KLF12: variants seen among roughly 807,000 people sequenced by gnomAD.
The protein encoded by KLF12 is KLF transcription factor 12.
Under a neutral mutation model 37.8 loss-of-function variants are expected in KLF12, and 9 were observed. The observed-to-expected ratio is 0.24, with a 90% CI of 0.14 to 0.42. KLF12 has a LOEUF of 0.42. Ranked by LOEUF, KLF12 falls within the 10% of genes least tolerant of loss-of-function variation. The pLI is 1.00. For missense variants in KLF12, 411 were observed against 516.0 expected, an observed-to-expected ratio of 0.80 and a Z score of 1.97; for synonymous variants, 208 against 202.1, an observed-to-expected ratio of 1.03 and a Z score of -0.25.
the KLF12 span, among the ~76,000 whole-genome samples, chr13:74,286,224 A>G: frequency 6.6e-6 from 1 of 152,074 alleles, no homozygotes; most frequent in Non-Finnish European, 1.5e-5. Flanking sequence ...AGGGTGTGCC[A>G]CACTGAAATG....
chr13:74,171,769 C>CA, the KLF12 span, among the ~76,000 whole-genome samples: 1 of 152,044 alleles, frequency 6.6e-6, no homozygotes, highest in African/African-American at 2.4e-5. Flanking sequence ...CCACAAAATA[C>CA]AAAAAAACAA....
At chr13:74,246,779 G>A in the KLF12 span, among the ~76,000 whole-genome samples, 1 of 152,356 alleles carries the variant, frequency 6.6e-6, no homozygotes, top group Admixed American at 6.5e-5. Context: ...TTAGAAGTCA[G>A]AGGGCTGTGG....
chr13:73,846,502 A>G, intron 3 of KLF12, 129 bp from the exon 4 acceptor site: 2 of 853,064 alleles, frequency 2.3e-6, no homozygotes, highest in Non-Finnish European at 3.6e-6. Context: ...TTCTCCAAAT[A>G]TCTGAAGGAT....
chr13:73,761,067 G>C (rs1879516677), intron 6 of KLF12, among the ~76,000 whole-genome samples: 1 of 152,076 alleles, frequency 6.6e-6, no homozygotes, highest in Non-Finnish European at 1.5e-5. Flanking sequence ...AGCTGAATAT[G>C]ACCTGGAAAC....
intron 3 of KLF12, among the ~76,000 whole-genome samples, chr13:73,881,660 A>AT (rs972360783): frequency 3.3e-5 from 5 of 151,640 alleles, no homozygotes; most frequent in African/African-American, 9.7e-5. Context: ...GCACAACATG[A>AT]TTTTTTTTTC....
At chr13:74,085,511 T>C (rs1470751770) in intron 1 of KLF12, among the ~76,000 whole-genome samples, 1 of 152,216 alleles carries the variant, frequency 6.6e-6, no homozygotes, top group African/African-American at 2.4e-5. Context: ...TCACGCTTCC[T>C]TGAGGTAGCT....
chr13:74,163,421 C>T, the KLF12 span, among the ~76,000 whole-genome samples: 1 of 152,144 alleles, frequency 6.6e-6, no homozygotes, highest in Non-Finnish European at 1.5e-5. Context: ...GAAATCCAAT[C>T]ATTTGCAGCA....
At chr13:73,712,998 T>G (rs774637034) in intron 7 of KLF12, among the ~76,000 whole-genome samples, 10 of 152,212 alleles carry the variant, frequency 6.6e-5, no homozygotes, top group Non-Finnish European at 1.2e-4. Flanking sequence ...ACAGGATCTT[T>G]GAGGTACGCC....
the KLF12 span, among the ~76,000 whole-genome samples, chr13:74,157,961 G>A: frequency 1.3e-5 from 2 of 152,192 alleles, no homozygotes; most frequent in Non-Finnish European, 2.9e-5. Context: ...TATTCAATGT[G>A]TGTGAGTTGT....
intron 7 of KLF12, among the ~76,000 whole-genome samples, chr13:73,698,173 G>A (rs1455836220): frequency 6.8e-6 from 1 of 147,136 alleles, no homozygotes; most frequent in Non-Finnish European, 1.5e-5. Flanking sequence ...AGAAAAGAGA[G>A]AAAAGAGAGA....
At chr13:73,872,909 C>T (rs1228055822) in intron 3 of KLF12, among the ~76,000 whole-genome samples, 1 of 152,202 alleles carries the variant, frequency 6.6e-6, no homozygotes, top group Non-Finnish European at 1.5e-5. Context: ...ACACAGAAGA[C>T]ATGAGTGAAC....
At chr13:73,963,181 T>C (rs894911098) in intron 2 of KLF12, among the ~76,000 whole-genome samples, 1 of 152,090 alleles carries the variant, frequency 6.6e-6, no homozygotes. Flanking sequence ...TAAAGCATAG[T>C]CATTTTGTGC....
At chr13:74,135,878 A>C (rs1216790802), upstream of KLF12, among the ~76,000 whole-genome samples, 1 of 152,218 alleles carries the variant, frequency 6.6e-6, no homozygotes, top group Non-Finnish European at 1.5e-5. Context: ...AATGTGAGCC[A>C]GGGCCAGCTG....
the KLF12 span, among the ~76,000 whole-genome samples, chr13:74,207,388 C>A: frequency 2.0e-5 from 3 of 152,142 alleles, no homozygotes; most frequent in African/African-American, 7.2e-5. Flanking sequence ...TAAAAAGTTT[C>A]AGGTCAGGTG....
At chr13:74,222,206 G>A in the KLF12 span, among the ~76,000 whole-genome samples, 2 of 152,204 alleles carry the variant, frequency 1.3e-5, no homozygotes, top group African/African-American at 4.8e-5. Context: ...GCCTCTTGGG[G>A]CACTCTAATT....
chr13:73,883,875 G>A (rs1429518683), intron 3 of KLF12, among the ~76,000 whole-genome samples: 1 of 152,140 alleles, frequency 6.6e-6, no homozygotes, highest in Non-Finnish European at 1.5e-5. Flanking sequence ...CCATATTTCT[G>A]TTCCACACTG....
chr13:74,100,267 C>T (rs1206380302), intron 1 of KLF12, among the ~76,000 whole-genome samples: 1 of 152,148 alleles, frequency 6.6e-6, no homozygotes, highest in South Asian at 2.1e-4. Flanking sequence ...CTACAGAGAA[C>T]CCTGAACTGC....
the KLF12 span, among the ~76,000 whole-genome samples, chr13:74,176,067 G>A: frequency 8.5e-5 from 13 of 152,128 alleles, no homozygotes; most frequent in East Asian, 2.5e-3. Flanking sequence ...CTTCACAGAG[G>A]ACTCATTACA....
intron 4 of KLF12, among the ~76,000 whole-genome samples, chr13:73,818,682 A>G (rs1043706994): frequency 7.2e-5 from 11 of 152,268 alleles, no homozygotes; most frequent in African/African-American, 2.4e-4. Flanking sequence ...ATGAAAACTT[A>G]CAGACTAACA....
Sources: allele counts gnomAD v4.1 joint callset (sites outside exome capture counted in the v4.1 genomes callset), GRCh38; gene constraint gnomAD v4.1.1; transcripts MANE v1.5; gene names NCBI Gene and HGNC (gene_info 2026-07-23, HGNC 2026-07-21).